ARID3B: variants seen among roughly 807,000 people sequenced by gnomAD.
ARID3B encodes the protein AT-rich interaction domain 3B.
ARID3B carries 10 observed loss-of-function variants against 51.9 expected under a neutral mutation model. That is an observed-to-expected ratio of 0.19 (90% CI 0.12 to 0.33). The LOEUF is 0.33. Among genes scored for constraint, ARID3B ranks in the 10% least tolerant of loss-of-function variants. ARID3B has a pLI of 1.00. For missense variants in ARID3B, 483 were observed against 716.3 expected, an observed-to-expected ratio of 0.67 and a Z score of 3.72; for synonymous variants, 205 against 279.5, an observed-to-expected ratio of 0.73 and a Z score of 2.66.
intron 4 of ARID3B, among the ~76,000 whole-genome samples, chr15:74,585,313 G>A (rs2061776604): frequency 6.6e-6 from 1 of 152,218 alleles, no homozygotes; most frequent in Admixed American, 6.5e-5. Context: ...CTTAGAGGAA[G>A]ATAGAATACA....
chr15:74,591,820 C>T lies in ARID3B; in HGVS notation c.1420+6C>T, dbSNP rs747770110. 2 of 1,611,178 alleles carry T rather than the reference C, an allele frequency of 1.2e-6. No individual in the cohort carries two copies. Among genetic ancestry groups the T allele is most frequent in the East Asian group, 2.2e-5 (1 of 44,804 alleles). ...GATCAGGATCAACGGCAGGGGTGAG[C>T]CAGGCTCAGGGCCGGGCCTTCCCTT... On this transcript the variant is annotated splice_donor_region_variant and intron_variant, in intron 7 of 8. Coordinates refer to ENST00000346246, the MANE Select transcript of ARID3B (RefSeq NM_006465.4). The surrounding 1 kb of genome is among the most constrained non-coding windows in gnomAD (Gnocchi z 5.8).
intron 2 of ARID3B, among the ~76,000 whole-genome samples, chr15:74,560,136 T>C (rs2061674653): frequency 6.6e-6 from 1 of 150,490 alleles, no homozygotes; most frequent in East Asian, 1.9e-4. Context: ...ATCTGGGAGA[T>C]GGAGATTGCA....
intron 4 of ARID3B, among the ~76,000 whole-genome samples, chr15:74,576,594 G>A (rs1389607893): frequency 6.6e-6 from 1 of 152,124 alleles, no homozygotes; most frequent in Non-Finnish European, 1.5e-5. Context: ...GGGACTTGGG[G>A]GCCGTCATGG....
chr15:74,586,060 C>T (rs952073532), intron 4 of ARID3B, among the ~76,000 whole-genome samples: 2 of 152,220 alleles, frequency 1.3e-5, no homozygotes, highest in African/African-American at 4.8e-5. Flanking sequence ...AGCTTGATCT[C>T]CAGAACCAGG....
At chr15:74,571,288 T>C (rs1438102425) in intron 2 of ARID3B, among the ~76,000 whole-genome samples, 1 of 152,210 alleles carries the variant, frequency 6.6e-6, no homozygotes, top group Non-Finnish European at 1.5e-5. Context: ...TTTTATTTCG[T>C]TGACATGGTT....
chr15:74,593,762 T>G (rs2061812957), intron 8 of ARID3B, among the ~76,000 whole-genome samples: 2 of 152,188 alleles, frequency 1.3e-5, no homozygotes, highest in South Asian at 4.1e-4. Context: ...TATTCATGAC[T>G]GGGCACGGTG....
At chr15:74,568,761 T>G (rs1204308102) in intron 2 of ARID3B, among the ~76,000 whole-genome samples, 1 of 152,064 alleles carries the variant, frequency 6.6e-6, no homozygotes. Flanking sequence ...AGTTCTCAAG[T>G]AGGAGAGGCT....
In ARID3B at chr15:74,541,251, G is replaced by A. The variant is rs1041255697; in HGVS notation, c.-157G>A. On this transcript the variant is annotated 5_prime_UTR_variant, in exon 1 of 9. Transcript: ENST00000346246. ...CCGGCTGTGGCCCCCGGCTGCGGAG[G>A]AGTCCGAGACGCAGCTGCCGCGCCG... The A allele has an allele frequency of 1.3e-5, 2 of 151,944 alleles. No homozygotes were observed. Among genetic ancestry groups the A allele is most frequent in the Non-Finnish European group, 2.9e-5 (2 of 67,984 alleles). The allele number at this position is 151,944 out of a possible 1,614,324, so 9.4% of individuals were successfully genotyped here.
intron 4 of ARID3B, among the ~76,000 whole-genome samples, chr15:74,579,403 G>A (rs892611353): frequency 3.9e-5 from 6 of 152,126 alleles, no homozygotes; most frequent in South Asian, 4.1e-4. Flanking sequence ...GCAAAGCCAG[G>A]GCTAACATCC....
intron 2 of ARID3B, among the ~76,000 whole-genome samples, chr15:74,562,348 C>T (rs2061682250): frequency 1.3e-5 from 2 of 152,154 alleles, no homozygotes; most frequent in Admixed American, 6.5e-5. Flanking sequence ...ACCATGTTGG[C>T]CAGGCTAGTC....
chr15:74,577,073 A>AGAG (rs1404960175), intron 4 of ARID3B, among the ~76,000 whole-genome samples: 1 of 152,210 alleles, frequency 6.6e-6, no homozygotes, highest in African/African-American at 2.4e-5. Context: ...GTTGGGCTAG[A>AGAG]GAGGAGAGAC....
intron 4 of ARID3B, among the ~76,000 whole-genome samples, chr15:74,582,925 G>T (rs2061767130): frequency 6.6e-6 from 1 of 152,070 alleles, no homozygotes; most frequent in African/African-American, 2.4e-5. Context: ...CGGGTACGGT[G>T]GCTCACACCT....
chr15:74,543,121 T>C (rs1361472363), intron 1 of ARID3B, among the ~76,000 whole-genome samples: 1 of 152,230 alleles, frequency 6.6e-6, no homozygotes, highest in Non-Finnish European at 1.5e-5. Context: ...TCCAGAGGAA[T>C]TCCCCCGTTT....
intron 4 of ARID3B, among the ~76,000 whole-genome samples, chr15:74,585,576 G>A (rs2141475801): frequency 6.6e-6 from 1 of 152,318 alleles, no homozygotes; most frequent in East Asian, 1.9e-4. Context: ...TATCTTGCTG[G>A]TTTGAAGGTA....
Position 74,597,205 on chromosome 15 carries a change from C to A in ARID3B, c.*1431C>A, listed in dbSNP as rs946169706. ...AATAACTCCACAGCTCCTCCTGGAC[C>A]CTGCGCGGGAGCAGGCAGCTCCTGT... On this transcript the variant is annotated 3_prime_UTR_variant, in exon 9 of 9. Transcript: ENST00000346246. 2.8e-6 allele frequency: 1 copy of A among 354,128 alleles called. No individual in the cohort carries two copies. The allele number at this position is 354,128 out of a possible 1,614,324, so 21.9% of individuals were successfully genotyped here. A position where few individuals can be genotyped will look rare whatever the true frequency, so the allele number is the denominator to read the frequency against.
intron 2 of ARID3B, among the ~76,000 whole-genome samples, chr15:74,556,004 G>A (rs1226862371): frequency 1.3e-5 from 2 of 151,346 alleles, no homozygotes; most frequent in African/African-American, 4.9e-5. Flanking sequence ...GTGTTAGCCG[G>A]GATGGTCTCG....
At chr15:74,557,587 G>A (rs942099956) in intron 2 of ARID3B, among the ~76,000 whole-genome samples, 1 of 151,994 alleles carries the variant, frequency 6.6e-6, no homozygotes, top group East Asian at 1.9e-4. Flanking sequence ...GAGAAATCTA[G>A]TGTCAGTCTG....
intron 7 of ARID3B, among the ~76,000 whole-genome samples, chr15:74,592,711 G>A (rs2061808301): frequency 6.6e-6 from 1 of 152,250 alleles, no homozygotes; most frequent in Admixed American, 6.5e-5. Flanking sequence ...TGAGGGCGTA[G>A]ACTCCTCTCT....
At chr15:74,553,300 C>T (rs2061644729) in intron 2 of ARID3B, among the ~76,000 whole-genome samples, 1 of 152,204 alleles carries the variant, frequency 6.6e-6, no homozygotes, top group South Asian at 2.1e-4. Context: ...TAGATTTCTT[C>T]TTCAGTTTTA....
Sources: gnomAD v4.1 joint callset for allele counts (sites outside exome capture counted in the v4.1 genomes callset) on GRCh38, gnomAD v4.1.1 for gene constraint, Gnocchi (gnomAD v3.1) non-coding constraint, MANE v1.5 for transcripts, NCBI Gene and HGNC (gene_info 2026-07-23, HGNC 2026-07-21) for gene names.